The following CCL5 variants were observed in gnomAD, a reference collection of about 807,000 sequenced individuals.
CCL5 encodes C-C motif chemokine ligand 5, also known as C-C motif chemokine 5.
Under a neutral mutation model 9.0 loss-of-function variants are expected in CCL5, and 5 were observed. The observed-to-expected ratio is 0.55, with a 90% CI of 0.29 to 1.16. The LOEUF is 1.16. Among genes scored for constraint, CCL5 ranks in the 50% most tolerant of loss-of-function variants. The probability of loss-of-function intolerance (pLI) is 0.08; values close to 1 mark genes in which losing one functional copy is unlikely to be tolerated. For synonymous variants in CCL5, 66 were observed against 72.0 expected (o/e 0.92, Z 0.42); for missense variants, 183 against 183.2 (o/e 1.00, Z 0.01).
intron 3 of CCL5, among the ~76,000 whole-genome samples, chr17:35,873,409 G>C (rs28914811): frequency 3.4e-5 from 5 of 147,846 alleles, no homozygotes; most frequent in South Asian, 2.2e-4. Context: ...GGATGGTCTC[G>C]ATCTCCTGAC....
intron 3 of CCL5, among the ~76,000 whole-genome samples, chr17:35,875,023 T>C (rs1319291060): frequency 6.6e-6 from 1 of 150,648 alleles, no homozygotes; most frequent in Non-Finnish European, 1.5e-5. Context: ...TTTGCTTTTG[T>C]GATTACTATC....
At chr17:35,874,386 C>T (rs1039023618) in intron 3 of CCL5, among the ~76,000 whole-genome samples, 7 of 152,174 alleles carry the variant, frequency 4.6e-5, no homozygotes, top group African/African-American at 1.7e-4. Flanking sequence ...GCCTCAACCT[C>T]CTGGGCTCAA....
chr17:35,878,761 G>T, intron 1 of CCL5, 122 bp from the exon 2 acceptor site: 1 of 636,826 alleles, frequency 1.6e-6, no homozygotes, highest in Admixed American at 3.0e-5. Flanking sequence ...CAGAAACTGA[G>T]GCTCAGAGAG....
intron 1 of CCL5, among the ~76,000 whole-genome samples, chr17:35,879,560 G>C (rs922119009): frequency 6.0e-5 from 9 of 150,856 alleles, no homozygotes; most frequent in African/African-American, 2.2e-4. Flanking sequence ...GCATGAACCC[G>C]GGAGACGGAG....
chr17:35,873,964 T>C (rs752086379), intron 3 of CCL5, among the ~76,000 whole-genome samples: 3 of 152,120 alleles, frequency 2.0e-5, no homozygotes, highest in South Asian at 2.1e-4. Flanking sequence ...TCTATAGTCA[T>C]TGATGATAAA....
In CCL5 at chr17:35,878,935, C is replaced by G. The variant is rs1428852474; in HGVS notation, c.77-296G>C. Among the ~76,000 whole-genome samples the G allele has an allele frequency of 2.6e-5, 4 of 152,260 alleles. 1 individual carries two copies. Among genetic ancestry groups the G allele is most frequent in the Admixed American group, 2.6e-4 (4 of 15,300 alleles). ...CCTGGGTCCTCTGGCTTCATTCTTGCCCTTCCAGCATCCTCAATGGATTTG... is the reference window on the plus strand; with the variant it reads ...CCTGGGTCCTCTGGCTTCATTCTTGGCCTTCCAGCATCCTCAATGGATTTG... On this transcript the variant is annotated intron_variant, in intron 1 of 3. Transcript: ENST00000651122.
chr17:35,874,554 A>G (rs2088417026), intron 3 of CCL5, among the ~76,000 whole-genome samples: 1 of 152,030 alleles, frequency 6.6e-6, no homozygotes, highest in Admixed American at 6.6e-5. Context: ...TCCTGCCTCA[A>G]TCTCCCTAAA....
At chr17:35,873,659 G>A (rs1477655650) in intron 3 of CCL5, among the ~76,000 whole-genome samples, 2 of 152,180 alleles carry the variant, frequency 1.3e-5, no homozygotes, top group African/African-American at 4.8e-5. Flanking sequence ...TAAAGCCTCT[G>A]CTTCTATTTG....
chr17:35,875,672 AC>A (rs2088433139), intron 2 of CCL5: 6 of 933,072 alleles, frequency 6.4e-6, no homozygotes, highest in Non-Finnish European at 7.7e-6. Context: ...GGAAAACAAT[AC>A]CTGAGATGAG....
Sources: allele counts gnomAD v4.1 joint callset (sites outside exome capture counted in the v4.1 genomes callset), GRCh38; gene constraint gnomAD v4.1.1; transcripts MANE v1.5; gene names NCBI Gene and HGNC (gene_info 2026-07-23, HGNC 2026-07-21).